EVC2: variants seen among roughly 807,000 people sequenced by gnomAD.
EVC2 encodes limbin.
Under a neutral mutation model 149.3 loss-of-function variants are expected in EVC2, and 148 were observed. The ratio of observed to expected loss-of-function variants is 0.99; its 90% CI spans 0.87 to 1.14. The LOEUF (loss-of-function observed/expected upper bound fraction) is 1.14, where lower values mean the gene tolerates loss of function less well. Ranked by LOEUF, EVC2 falls within the 50% of genes most tolerant of loss-of-function variation. The pLI, the probability that EVC2 is intolerant of heterozygous loss-of-function variation, is 0.00. For synonymous variants in EVC2, 776 were observed against 649.9 expected (o/e 1.19, Z -2.95); for missense variants, 1,854 against 1,627.3 (o/e 1.14, Z -2.40).
chr4:5,630,472 G>T (rs1348615114), intron 11 of EVC2, among the ~76,000 whole-genome samples: 1 of 152,226 alleles, frequency 6.6e-6, no homozygotes, highest in Non-Finnish European at 1.5e-5. Context: ...CTAGATGGAT[G>T]TGGCTCATTC....
intron 19 of EVC2, among the ~76,000 whole-genome samples, chr4:5,574,372 C>T (rs112020063): frequency 6.4e-4 from 97 of 152,276 alleles, no homozygotes; most frequent in African/African-American, 1.9e-3. Flanking sequence ...ACTTTCTTCC[C>T]GGTAGAACCT....
At chr4:5,630,173 G>A (rs925930073) in intron 11 of EVC2, among the ~76,000 whole-genome samples, 2 of 152,202 alleles carry the variant, frequency 1.3e-5, no homozygotes, top group East Asian at 1.9e-4. Flanking sequence ...GGGGGAGCTC[G>A]TTCTCTGTCC....
chr4:5,650,618 TATATATATATATATATATATAG>T (rs1718039320), intron 9 of EVC2, among the ~76,000 whole-genome samples: 1 of 70,078 alleles, frequency 1.4e-5, no homozygotes, highest in African/African-American at 4.8e-5. Context: ...TATATATATA[TATATATATATATATATATATAG>T]AGAGAGAGAG....
chr4:5,623,212 T>C lies in EVC2; in HGVS notation c.2047-221A>G, dbSNP rs142248443. ...GTGCAATGGTGCGATCTCGGCTCAC[T>C]GCAATCTCCACCTCCTGGGTTCAAG... On this transcript the variant is annotated intron_variant, in intron 13 of 21. Transcript: ENST00000344408. Among the ~76,000 whole-genome samples the C allele has an allele frequency of 0.011, 1,632 of 152,322 alleles. 10 individuals are homozygous for C. The highest frequency in any genetic ancestry group is 0.016 in the Non-Finnish European group (1,096 of 68,024).
At chr4:5,651,689 A>C (rs1234987406) in intron 9 of EVC2, among the ~76,000 whole-genome samples, 2 of 152,224 alleles carry the variant, frequency 1.3e-5, no homozygotes, top group Non-Finnish European at 2.9e-5. Context: ...TCAGCTAAGT[A>C]AGTCACCTTT....
At chr4:5,691,191 A>C in intron 4 of EVC2, 74 bp downstream of exon 4, 1 of 1,317,120 alleles carries the variant, frequency 7.6e-7, no homozygotes. Flanking sequence ...TCTTAAATAC[A>C]TGACTCTAAT....
At chr4:5,594,207 T>G (rs574454530) in intron 16 of EVC2, among the ~76,000 whole-genome samples, 6 of 152,266 alleles carry the variant, frequency 3.9e-5, no homozygotes, top group Non-Finnish European at 8.8e-5. Context: ...CTGACAGCTT[T>G]GAAGAGACCA....
At chr4:5,549,557 G>A (rs1416753034) in intron 21 of EVC2, among the ~76,000 whole-genome samples, 2 of 152,108 alleles carry the variant, frequency 1.3e-5, no homozygotes, top group African/African-American at 2.4e-5. Context: ...TGATCTTCAC[G>A]ATCCGCTTAC....
chr4:5,596,753 A>C (rs192814703), intron 16 of EVC2, among the ~76,000 whole-genome samples: 4 of 152,164 alleles, frequency 2.6e-5, no homozygotes, highest in African/African-American at 9.7e-5. Context: ...GACACAAAAA[A>C]CCCTTCAAAA....
At chr4:5,661,854 C>T (rs1718893986) in intron 9 of EVC2, among the ~76,000 whole-genome samples, 1 of 152,248 alleles carries the variant, frequency 6.6e-6, no homozygotes, top group Non-Finnish European at 1.5e-5. Context: ...TACTTAACCT[C>T]TCTCCAGTTC....
chr4:5,591,096 G>A (rs1481999083), intron 16 of EVC2, among the ~76,000 whole-genome samples: 3 of 152,176 alleles, frequency 2.0e-5, no homozygotes, highest in African/African-American at 7.2e-5. Context: ...GAGATTGGGT[G>A]GAGACACAGG....
intron 1 of EVC2, among the ~76,000 whole-genome samples, chr4:5,707,726 C>G (rs1325726011): frequency 6.6e-6 from 1 of 152,022 alleles, no homozygotes; most frequent in African/African-American, 2.4e-5. Context: ...GAGGTCAAGT[C>G]TAGGGCTACA....
chr4:5,674,017 G>C (rs1475928202), intron 7 of EVC2, among the ~76,000 whole-genome samples: 1 of 111,162 alleles, frequency 9.0e-6, no homozygotes, highest in Non-Finnish European at 1.7e-5. Context: ...GAAAATGCTT[G>C]ATGAACATGG....
At position 5,657,724 on chromosome 4, in the gene EVC2, A is replaced by G. The variant is rs1358377942; in HGVS notation, c.1145+5383T>C. On this transcript the variant is annotated intron_variant, in intron 9 of 21. Transcript: ENST00000344408. The surrounding 1 kb of genome is among the most constrained non-coding windows in gnomAD (Gnocchi z 4.7). ...TGCTCAGGTGGGTAAGATGAAATAC[A>G]ACAACATTAATTTGAAAAAGAAAAA... Among the ~76,000 whole-genome samples the G allele has an allele frequency of 1.4e-5, 2 of 139,156 alleles. No individual in the cohort carries two copies. Among genetic ancestry groups the G allele is most frequent in the Admixed American group, 1.5e-4 (2 of 13,580 alleles). The allele number at this position is 139,156 out of a possible 152,430, so 91.3% of individuals were successfully genotyped here.
At chr4:5,630,740 C>A (rs1183939681) in intron 11 of EVC2, among the ~76,000 whole-genome samples, 4 of 152,162 alleles carry the variant, frequency 2.6e-5, no homozygotes, top group East Asian at 1.9e-4. Flanking sequence ...CCAGCACCAT[C>A]CAAAGGTACC....
the EVC2 span, among the ~76,000 whole-genome samples, chr4:5,533,658 C>G: frequency 6.6e-6 from 1 of 152,198 alleles, no homozygotes; most frequent in Non-Finnish European, 1.5e-5. Context: ...AGAGCTTGTT[C>G]CCCTGCACTA....
chr4:5,631,724 A>G (rs933465660), intron 11 of EVC2, 69 bp downstream of exon 11: 6 of 1,596,306 alleles, frequency 3.8e-6, no homozygotes, highest in African/African-American at 2.7e-5. Context: ...CTGAACTCTG[A>G]GAGAGGAGAC....
chr4:5,658,858 A>T (rs937733939), intron 9 of EVC2, among the ~76,000 whole-genome samples: 1 of 152,212 alleles, frequency 6.6e-6, no homozygotes, highest in Non-Finnish European at 1.5e-5. Context: ...GCCCAGAGTA[A>T]GGCTGGAGCT....
intron 3 of EVC2, 120 bp from the exon 4 acceptor site, chr4:5,691,453 T>A: frequency 1.3e-6 from 1 of 753,470 alleles, no homozygotes; most frequent in Non-Finnish European, 2.2e-6. Context: ...TACTAATCCT[T>A]AAGTAATCTT....
Sources: gnomAD v4.1 joint callset for allele counts (sites outside exome capture counted in the v4.1 genomes callset) on GRCh38, gnomAD v4.1.1 for gene constraint, Gnocchi (gnomAD v3.1) non-coding constraint, MANE v1.5 for transcripts, NCBI Gene and HGNC (gene_info 2026-07-23, HGNC 2026-07-21) for gene names.